Variants in DTNA observed in about 807,000 individuals in gnomAD.
DTNA encodes dystrophin-related protein 3.
Under a neutral mutation model 100.7 loss-of-function variants are expected in DTNA, and 43 were observed. That is an observed-to-expected ratio of 0.43 (90% CI 0.33 to 0.55). The LOEUF is 0.55. Among genes scored for constraint, DTNA ranks in the 20% least tolerant of loss-of-function variants. DTNA has a pLI of 0.04. For synonymous variants in DTNA, 349 were observed against 347.9 expected (o/e 1.00, Z -0.04); for missense variants, 798 against 953.9 (o/e 0.84, Z 2.15).
intron 13 of DTNA, among the ~76,000 whole-genome samples, chr18:34,841,458 C>G (rs2096267131): frequency 6.6e-6 from 1 of 152,122 alleles, no homozygotes; most frequent in Non-Finnish European, 1.5e-5. Flanking sequence ...GTTGTGACTT[C>G]TCATGTTAAT....
chr18:34,824,475 CAAA>C (rs757094848), intron 9 of DTNA, among the ~76,000 whole-genome samples: 1 of 131,564 alleles, frequency 7.6e-6, no homozygotes. Context: ...GACGCCATCT[CAAA>C]AAAAAAAAAA....
chr18:34,632,669 G>T (rs2058215411), intron 1 of DTNA, among the ~76,000 whole-genome samples: 1 of 152,156 alleles, frequency 6.6e-6, no homozygotes, highest in Admixed American at 6.6e-5. Flanking sequence ...AGCTTTAGAA[G>T]CAAAGATTTT....
intron 11 of DTNA, among the ~76,000 whole-genome samples, chr18:34,835,054 TTTTGAAAGAGTGGCTA>T (rs2096108970): frequency 6.6e-6 from 1 of 152,222 alleles, no homozygotes; most frequent in Non-Finnish European, 1.5e-5. Flanking sequence ...ATTCATTTCA[TTTTGAAAGAGTGGCTA>T]TTTTTGTCTT....
intron 1 of DTNA, among the ~76,000 whole-genome samples, chr18:34,629,595 A>G (rs1432519888): frequency 6.6e-6 from 1 of 152,140 alleles, no homozygotes; most frequent in African/African-American, 2.4e-5. Context: ...TCGTAGTGAG[A>G]TATTTTCAGG....
chr18:34,597,937 T>G (rs1198176840), intron 1 of DTNA, among the ~76,000 whole-genome samples: 1 of 152,230 alleles, frequency 6.6e-6, no homozygotes, highest in Non-Finnish European at 1.5e-5. Context: ...GCTTGTGTCT[T>G]ACTCGCTTTT....
chr18:34,717,690 G>A (rs2084333514), intron 1 of DTNA, among the ~76,000 whole-genome samples: 1 of 152,156 alleles, frequency 6.6e-6, no homozygotes, highest in Non-Finnish European at 1.5e-5. Context: ...GGAGTAAATG[G>A]TGCAGAGCAG....
At position 34,531,570 on chromosome 18, in the gene DTNA, T is replaced by C. The variant is rs16965382; in HGVS notation, c.-2+38056T>C. 6.2e-3 allele frequency among the ~76,000 whole-genome samples: 944 copies of C among 152,246 alleles called. 10 individuals are homozygous for C. Among genetic ancestry groups the C allele is most frequent in the African/African-American group, 0.022 (905 of 41,558 alleles). On this transcript the variant is annotated intron_variant, in intron 1 of 19. Coordinates refer to the DTNA transcript ENST00000283365. ...TGTTTATTAACTATCACTTCATTCA[T>C]TGGGCTACATTCTATGTAAATTATT...
intron 1 of DTNA, among the ~76,000 whole-genome samples, chr18:34,525,491 G>GT (rs1385855061): frequency 5.3e-5 from 8 of 152,080 alleles, no homozygotes; most frequent in African/African-American, 1.9e-4. Context: ...TTATACTATT[G>GT]TGAGTGTGAT....
chr18:34,859,372 G>A (rs771177681), intron 16 of DTNA, among the ~76,000 whole-genome samples: 3 of 152,206 alleles, frequency 2.0e-5, no homozygotes, highest in Non-Finnish European at 2.9e-5. Flanking sequence ...TCCCGTAAGC[G>A]GTTCAAGAGC....
intron 1 of DTNA, among the ~76,000 whole-genome samples, chr18:34,622,554 G>A (rs2056695738): frequency 6.6e-6 from 1 of 152,214 alleles, no homozygotes; most frequent in African/African-American, 2.4e-5. Flanking sequence ...ATGTGAGCCT[G>A]AGTGGACTGG....
Position 34,525,657 on chromosome 18 carries a change from G to A in DTNA, c.-2+32143G>A, listed in dbSNP as rs139689071. Among the ~76,000 whole-genome samples, 654 of 152,248 alleles carry A rather than the reference G, an allele frequency of 4.3e-3. 1 individual carries two copies. Among genetic ancestry groups the A allele is most frequent in the South Asian group, 8.3e-3 (40 of 4,826 alleles). ...TATAGTGGGAGGTTCCACAATTCAA[G>A]TAAAACTACTCCTCTGACGCTGAGT... On this transcript the variant is annotated intron_variant, in intron 1 of 19. Coordinates refer to the DTNA transcript ENST00000283365.
chr18:34,719,123 T>C (rs1260888332), intron 1 of DTNA, among the ~76,000 whole-genome samples: 1 of 150,172 alleles, frequency 6.7e-6, no homozygotes, highest in Admixed American at 6.7e-5. Flanking sequence ...AGGTCAGGAG[T>C]TCAAGACCAG....
chr18:34,545,977 G>T (rs2044737493), intron 1 of DTNA, among the ~76,000 whole-genome samples: 1 of 152,092 alleles, frequency 6.6e-6, no homozygotes, highest in Non-Finnish European at 1.5e-5. Flanking sequence ...CGTTTGTTCA[G>T]AGATCATTCA....
chr18:34,502,991 G>A (rs1336960967), intron 1 of DTNA, among the ~76,000 whole-genome samples: 2 of 152,040 alleles, frequency 1.3e-5, no homozygotes, highest in Admixed American at 6.5e-5. Flanking sequence ...TCTATTTCTC[G>A]CTTCACTTCT....
At chr18:34,558,151 C>G (rs1317372058) in intron 1 of DTNA, 1 of 153,066 alleles carries the variant, frequency 6.5e-6, no homozygotes, top group Non-Finnish European at 1.5e-5. Flanking sequence ...TCTGTCACCC[C>G]TTTCTTTGAC....
At chr18:34,697,905 C>T (rs906980245) in intron 1 of DTNA, among the ~76,000 whole-genome samples, 1 of 152,158 alleles carries the variant, frequency 6.6e-6, no homozygotes, top group Non-Finnish European at 1.5e-5. Context: ...GGTGACAATC[C>T]ACTTTAGCCA....
At chr18:34,795,427 T>A (rs1355617723) in intron 4 of DTNA, among the ~76,000 whole-genome samples, 2 of 152,216 alleles carry the variant, frequency 1.3e-5, no homozygotes, top group African/African-American at 4.8e-5. Context: ...GGTAGAGTCT[T>A]TGCTTCGGCT....
chr18:34,660,860 G>T (rs2075088164), intron 1 of DTNA, among the ~76,000 whole-genome samples: 1 of 152,094 alleles, frequency 6.6e-6, no homozygotes. Context: ...GACCCAACCA[G>T]TGTACATCTT....
chr18:34,557,273 A>T (rs1332342731), intron 1 of DTNA, among the ~76,000 whole-genome samples: 4 of 139,292 alleles, frequency 2.9e-5, no homozygotes, highest in Non-Finnish European at 1.6e-5. Flanking sequence ...ATTCTTCTAA[A>T]TTTTTTTCAA....
Sources: allele counts gnomAD v4.1 joint callset (sites outside exome capture counted in the v4.1 genomes callset), GRCh38; gene constraint gnomAD v4.1.1; transcripts MANE v1.5; gene names NCBI Gene and HGNC (gene_info 2026-07-23, HGNC 2026-07-21).